HSPA12A: variants seen among roughly 807,000 people sequenced by gnomAD.
HSPA12A encodes heat shock protein family A (Hsp70) member 12A.
Under a neutral mutation model 69.2 loss-of-function variants are expected in HSPA12A, and 28 were observed. That is an observed-to-expected ratio of 0.40 (90% CI 0.30 to 0.55). The LOEUF (loss-of-function observed/expected upper bound fraction) is 0.55, where lower values mean the gene tolerates loss of function less well. Ranked by LOEUF, HSPA12A falls within the 20% of genes least tolerant of loss-of-function variation. The pLI, the probability that HSPA12A is intolerant of heterozygous loss-of-function variation, is 0.38. For synonymous variants in HSPA12A, 345 were observed against 370.5 expected (o/e 0.93, Z 0.79); for missense variants, 686 against 900.7 (o/e 0.76, Z 3.05).
intron 2 of HSPA12A, among the ~76,000 whole-genome samples, chr10:116,786,935 C>T (rs985079149): frequency 2.6e-5 from 4 of 152,134 alleles, no homozygotes; most frequent in Admixed American, 2.6e-4. Context: ...CCACTGCACC[C>T]AGCCTCCTGG....
chr10:116,756,913 C>T (rs1843862315), intron 2 of HSPA12A, among the ~76,000 whole-genome samples: 1 of 152,148 alleles, frequency 6.6e-6, no homozygotes, highest in Non-Finnish European at 1.5e-5. Flanking sequence ...TAATATTGAG[C>T]ACTTACTAGA....
chr10:116,787,747 C>T (rs371923519), intron 2 of HSPA12A, among the ~76,000 whole-genome samples: 1 of 152,182 alleles, frequency 6.6e-6, no homozygotes, highest in African/African-American at 2.4e-5. Context: ...TTTCCAAAAA[C>T]TTCAGAAGGT....
chr10:116,770,181 C>T lies in HSPA12A; in HGVS notation c.92-62896G>A, dbSNP rs782014610. On this transcript the variant is annotated intron_variant, in intron 2 of 12. Transcript: ENST00000635765. ...TGCAAAAACCAAGACTCAGAGAGGG[C>T]GGTGACTTGCCATGGTCACACAGAC... Among the ~76,000 whole-genome samples, 18 of 152,130 alleles carry T rather than the reference C, an allele frequency of 1.2e-4. No homozygotes were observed. The South Asian group carries it at 1.7e-3, about 14-fold the overall frequency.
At chr10:116,715,494 T>C (rs1231507392) in intron 1 of HSPA12A, among the ~76,000 whole-genome samples, 1 of 152,168 alleles carries the variant, frequency 6.6e-6, no homozygotes, top group Non-Finnish European at 1.5e-5. Flanking sequence ...CATTCTCAAA[T>C]GTACAGACAA....
At chr10:116,769,097 A>G (rs1394227140) in intron 2 of HSPA12A, among the ~76,000 whole-genome samples, 1 of 152,104 alleles carries the variant, frequency 6.6e-6, no homozygotes, top group East Asian at 1.9e-4. Context: ...CGGACCATTC[A>G]ATACCTCTGT....
At chr10:116,802,326 T>C (rs887943809) in intron 2 of HSPA12A, among the ~76,000 whole-genome samples, 1 of 152,212 alleles carries the variant, frequency 6.6e-6, no homozygotes, top group Non-Finnish European at 1.5e-5. Context: ...ATATTGGTGA[T>C]GCACTGCTAA....
At chr10:116,801,351 G>C (rs1013468281) in intron 2 of HSPA12A, among the ~76,000 whole-genome samples, 1 of 152,176 alleles carries the variant, frequency 6.6e-6, no homozygotes, top group African/African-American at 2.4e-5. Context: ...AGGTTTTCAG[G>C]TGTAAACAAC....
upstream of HSPA12A, chr10:116,849,873 A>G (rs1033448820): frequency 3.1e-6 from 3 of 980,860 alleles, no homozygotes; most frequent in Non-Finnish European, 4.7e-6. Flanking sequence ...TGCGGAGGAG[A>G]CTTCTGGAGG....
At chr10:116,808,957 T>C (rs1487355412) in intron 2 of HSPA12A, among the ~76,000 whole-genome samples, 1 of 151,598 alleles carries the variant, frequency 6.6e-6, no homozygotes, top group Non-Finnish European at 1.5e-5. Flanking sequence ...TAGCGGGGAG[T>C]GGGAGGCAAG....
upstream of HSPA12A, chr10:116,849,849 C>A (rs1327189677): frequency 2.5e-6 from 3 of 1,192,132 alleles, no homozygotes; most frequent in Non-Finnish European, 3.6e-6. Flanking sequence ...CCGCCCGGGC[C>A]CTGGGCCTGC....
At chr10:116,796,145 CAAA>C (rs10522145) in intron 2 of HSPA12A, among the ~76,000 whole-genome samples, 8 of 110,702 alleles carry the variant, frequency 7.2e-5, no homozygotes, top group East Asian at 5.8e-4. Flanking sequence ...AAGACTCCAT[CAAA>C]AAAAAAAAAA....
At chr10:116,697,483 G>A (rs970404537) in intron 5 of HSPA12A, among the ~76,000 whole-genome samples, 3 of 152,100 alleles carry the variant, frequency 2.0e-5, no homozygotes, top group African/African-American at 7.2e-5. Flanking sequence ...AGAAATAGCA[G>A]CCACCATTTA....
At chr10:116,690,056 C>T (rs1849692499) in intron 6 of HSPA12A, among the ~76,000 whole-genome samples, 1 of 152,204 alleles carries the variant, frequency 6.6e-6, no homozygotes, top group Admixed American at 6.5e-5. Flanking sequence ...TAAAATTAAT[C>T]ATCACAGGTA....
chr10:116,753,529 T>C (rs1171852728), intron 2 of HSPA12A, among the ~76,000 whole-genome samples: 1 of 152,214 alleles, frequency 6.6e-6, no homozygotes, highest in African/African-American at 2.4e-5. Flanking sequence ...ATCATACTTA[T>C]TCTTCCTGCC....
intron 2 of HSPA12A, among the ~76,000 whole-genome samples, chr10:116,805,232 C>T (rs963853945): frequency 6.6e-6 from 1 of 152,092 alleles, no homozygotes; most frequent in Non-Finnish European, 1.5e-5. Flanking sequence ...AGGAGAATGG[C>T]GTGAACCCGG....
chr10:116,748,298 T>C (rs1851696529), intron 2 of HSPA12A, among the ~76,000 whole-genome samples: 1 of 151,966 alleles, frequency 6.6e-6, no homozygotes, highest in African/African-American at 2.4e-5. Flanking sequence ...ACAGGCAGCA[T>C]ACAGCTGAGG....
intron 1 of HSPA12A, among the ~76,000 whole-genome samples, chr10:116,714,899 C>T (rs1396219833): frequency 7.2e-5 from 11 of 152,186 alleles, no homozygotes; most frequent in African/African-American, 2.7e-4. Flanking sequence ...TTCTGCATCA[C>T]CCTTCAGGGA....
At position 116,723,387 on chromosome 10, in the gene HSPA12A, G is replaced by A. The variant is rs1554884642; in HGVS notation, c.41-16102C>T. Among the ~76,000 whole-genome samples the A allele has an allele frequency of 1.3e-5, 2 of 152,160 alleles. No homozygotes were observed. Among genetic ancestry groups the A allele is most frequent in the East Asian group, 3.9e-4 (2 of 5,186 alleles). ...TGACCCTCATGCTGCCCTCCAAATA[G>A]GCACAGCCCCAAGCTGTTCTTCCAG... is the stretch of plus-strand genomic sequence containing the variant. On this transcript the variant is annotated intron_variant, in intron 1 of 11. Transcript: ENST00000369209. This position sits in a 1 kb window ranked among gnomAD's most constrained non-coding sequence, Gnocchi z 4.1.
chr10:116,732,875 C>T (rs1308505506), intron 1 of HSPA12A, among the ~76,000 whole-genome samples: 2 of 152,062 alleles, frequency 1.3e-5, no homozygotes, highest in Non-Finnish European at 1.5e-5. Context: ...CAGAGGGAGT[C>T]GGCAGACCTC....
Sources: gnomAD v4.1 joint callset for allele counts (sites outside exome capture counted in the v4.1 genomes callset) on GRCh38, gnomAD v4.1.1 for gene constraint, Gnocchi (gnomAD v3.1) non-coding constraint, MANE v1.5 for transcripts, NCBI Gene and HGNC (gene_info 2026-07-23, HGNC 2026-07-21) for gene names.